The following HECW1 variants were observed in gnomAD, a reference collection of about 807,000 sequenced individuals.
HECW1 encodes the protein E3 ubiquitin-protein ligase HECW1.
In HECW1, 61 loss-of-function variants were observed where a neutral mutation model predicts 182.3. The observed-to-expected ratio is 0.33, with a 90% CI of 0.27 to 0.41. The LOEUF (loss-of-function observed/expected upper bound fraction) is 0.41, where lower values mean the gene tolerates loss of function less well. Among genes scored for constraint, HECW1 ranks in the 10% least tolerant of loss-of-function variants. The pLI, the probability that HECW1 is intolerant of heterozygous loss-of-function variation, is 1.00. For synonymous variants in HECW1, 859 were observed against 832.6 expected, an observed-to-expected ratio of 1.03 and a Z score of -0.55; for missense variants, 1,739 against 2,108.9, an observed-to-expected ratio of 0.82 and a Z score of 3.44.
At chr7:43,125,629 A>T (rs1026598022) in intron 2 of HECW1, among the ~76,000 whole-genome samples, 2 of 151,758 alleles carry the variant, frequency 1.3e-5, no homozygotes, top group Admixed American at 1.3e-4. Context: ...ATGGTGTCAC[A>T]TGGCTGTAAT....
At chr7:43,483,651 C>T (rs866370513) in intron 17 of HECW1, among the ~76,000 whole-genome samples, 3 of 148,512 alleles carry the variant, frequency 2.0e-5, no homozygotes, top group African/African-American at 5.0e-5. Flanking sequence ...TGGGTTCAAG[C>T]GATTCTCCTG....
At position 43,563,703 on chromosome 7, in the gene HECW1, T is replaced by C. The variant is rs541922523; in HGVS notation, c.*1777T>C. The C allele has an allele frequency of 5.2e-5, 9 of 174,446 alleles. No homozygotes were observed. In the East Asian group the frequency reaches 9.1e-4, roughly 18 times the overall value. The allele number at this position is 174,446 out of a possible 1,614,324, so 10.8% of individuals were successfully genotyped here. On this transcript the variant is annotated 3_prime_UTR_variant, in exon 30 of 30. Coordinates refer to ENST00000395891, the MANE Select transcript of HECW1 (RefSeq NM_015052.5). ...GGCCAACATGGTGAAACCCCATCTC[T>C]ACTAAAAATACAAAAATTAGCCGGG...
chr7:43,404,737 T>G (rs2075545240), intron 7 of HECW1, among the ~76,000 whole-genome samples: 1 of 152,054 alleles, frequency 6.6e-6, no homozygotes, highest in African/African-American at 2.4e-5. Flanking sequence ...CCCAGCACTT[T>G]GGGAGGCCGA....
intron 3 of HECW1, chr7:43,248,867 G>C (rs779428955): frequency 6.6e-6 from 1 of 152,218 alleles, no homozygotes; most frequent in South Asian, 2.1e-4. Flanking sequence ...GGCTGAATCT[G>C]TGTGCATGTG....
intron 6 of HECW1, among the ~76,000 whole-genome samples, chr7:43,371,505 C>T (rs1437029644): frequency 6.6e-6 from 1 of 151,476 alleles, no homozygotes; most frequent in African/African-American, 2.4e-5. Context: ...AATCAGAAAG[C>T]AAAAATTCAA....
chr7:43,555,795 C>T (rs2152962126), intron 29 of HECW1, among the ~76,000 whole-genome samples: 1 of 152,306 alleles, frequency 6.6e-6, no homozygotes, highest in African/African-American at 2.4e-5. Flanking sequence ...TTCAGCAGAC[C>T]CTCAGTTCCA....
intron 5 of HECW1, among the ~76,000 whole-genome samples, chr7:43,321,159 T>G (rs139952627): frequency 4.8e-4 from 73 of 152,188 alleles, no homozygotes; most frequent in African/African-American, 1.6e-3. Flanking sequence ...TTCCTGCCCA[T>G]GGTCCCAGTC....
At chr7:43,552,663 C>A (rs562890054) in intron 28 of HECW1, among the ~76,000 whole-genome samples, 203 of 152,318 alleles carry the variant, frequency 1.3e-3, no homozygotes, top group African/African-American at 4.7e-3. Context: ...TAGAATCATA[C>A]AAAATGTAGT....
chr7:43,546,092 CTGA>C (rs71563905), intron 26 of HECW1, among the ~76,000 whole-genome samples: 51,634 of 151,720 alleles, frequency 0.34, 8,744 homozygotes, highest in Middle Eastern at 0.41. Context: ...TCTTCCCCTT[CTGA>C]ACCTGGCACT....
At chr7:43,375,241 TGAATGTTCTCTTCACAGCACA>T (rs1481776491) in intron 6 of HECW1, among the ~76,000 whole-genome samples, 1 of 152,120 alleles carries the variant, frequency 6.6e-6, no homozygotes, top group East Asian at 1.9e-4. Context: ...CAAGAAAATT[TGAATGTTCTCTTCACAGCACA>T]AAGATGTGCT....
chr7:43,334,041 C>T (rs949852793), intron 5 of HECW1, among the ~76,000 whole-genome samples: 1 of 152,194 alleles, frequency 6.6e-6, no homozygotes, highest in Non-Finnish European at 1.5e-5. Flanking sequence ...TTTATTCCTA[C>T]GTTATACCTC....
rs73322386 is a variant in HECW1, at chr7:43,341,733, G to A, written c.461-19153G>A. 5.8e-3 allele frequency among the ~76,000 whole-genome samples: 881 copies of A among 151,664 alleles called. 32 individuals carry two copies. The highest frequency in any genetic ancestry group is 0.033 in the South Asian group (157 of 4,820). ...TAGTTTTAGTTAATATAACCAGTCC[G>A]TAATACAGCATTCTAAATCATGATG... On this transcript the variant is annotated intron_variant, in intron 5 of 29. Coordinates refer to ENST00000395891, the MANE Select transcript of HECW1 (RefSeq NM_015052.5).
chr7:43,117,174 G>A (rs1466583587), intron 2 of HECW1, among the ~76,000 whole-genome samples: 5 of 152,154 alleles, frequency 3.3e-5, no homozygotes, highest in African/African-American at 7.2e-5. Flanking sequence ...TCTCCAAAAT[G>A]TACAAAGTGT....
At chr7:43,113,712 C>T (rs1784825763) in intron 1 of HECW1, 1 of 211,958 alleles carries the variant, frequency 4.7e-6, no homozygotes, top group Non-Finnish European at 9.6e-6. Context: ...GCTGGAGGTG[C>T]GCTTCCTGCT....
chr7:43,487,589 A>C (rs2078694519), intron 17 of HECW1, among the ~76,000 whole-genome samples: 1 of 152,176 alleles, frequency 6.6e-6, no homozygotes, highest in Admixed American at 6.5e-5. Context: ...AAAGGGGTCA[A>C]ATGCCAGGAA....
At chr7:43,543,488 G>A (rs1248263644) in intron 26 of HECW1, among the ~76,000 whole-genome samples, 2 of 152,066 alleles carry the variant, frequency 1.3e-5, no homozygotes, top group African/African-American at 4.8e-5. Context: ...TCAAGAATAT[G>A]CTACTCATGG....
chr7:43,535,614 T>C (rs745773557), intron 24 of HECW1, among the ~76,000 whole-genome samples: 13 of 152,176 alleles, frequency 8.5e-5, no homozygotes, highest in Non-Finnish European at 1.8e-4. Flanking sequence ...GAACCAAGCA[T>C]AGAGCATTCC....
intron 3 of HECW1, among the ~76,000 whole-genome samples, chr7:43,268,351 C>T (rs535896740): frequency 2.6e-5 from 4 of 152,236 alleles, no homozygotes; most frequent in Admixed American, 6.5e-5. Context: ...AGAGATAGGC[C>T]ACCAAGATTT....
intron 3 of HECW1, among the ~76,000 whole-genome samples, chr7:43,302,950 T>TGCGCGCACACACACAC (rs1554347437): frequency 4.0e-5 from 6 of 151,710 alleles, no homozygotes; most frequent in African/African-American, 9.7e-5. Flanking sequence ...CACACACACA[T>TGCGCGCACACACACAC]GCGCGCACAC....
Sources: allele counts gnomAD v4.1 joint callset (sites outside exome capture counted in the v4.1 genomes callset), GRCh38; gene constraint gnomAD v4.1.1; transcripts MANE v1.5; gene names NCBI Gene and HGNC (gene_info 2026-07-23, HGNC 2026-07-21).